Variants in SPMIP2 observed in about 807,000 individuals in gnomAD.
The protein encoded by SPMIP2 is protein SPMIP2.
chr4:158,999,186 A>T, the SPMIP2 span, among the ~76,000 whole-genome samples: 44 of 99,276 alleles, frequency 4.4e-4, no homozygotes, highest in Admixed American at 6.6e-4. Context: ...AAAAAACAAC[A>T]AAAAAAAACC....
chr4:158,955,225 T>C, the SPMIP2 span, among the ~76,000 whole-genome samples: 1 of 152,166 alleles, frequency 6.6e-6, no homozygotes, highest in Non-Finnish European at 1.5e-5. Flanking sequence ...GTGAATCTTG[T>C]GCTGAAATCA....
the SPMIP2 span, among the ~76,000 whole-genome samples, chr4:159,081,224 A>G: frequency 2.0e-5 from 3 of 151,946 alleles, no homozygotes; most frequent in African/African-American, 7.2e-5. Context: ...TTTTTAGTAG[A>G]GACGAGGTTT....
the SPMIP2 span, among the ~76,000 whole-genome samples, chr4:159,005,179 G>A: frequency 2.0e-4 from 25 of 127,722 alleles, no homozygotes; most frequent in East Asian, 1.6e-3. Context: ...CCGAGATCGC[G>A]CCATTGCACT....
At chr4:159,045,614 G>A in the SPMIP2 span, among the ~76,000 whole-genome samples, 14 of 152,360 alleles carry the variant, frequency 9.2e-5, no homozygotes, top group East Asian at 1.9e-4. Context: ...GTGAGAGAAG[G>A]CAGCCTGAAG....
chr4:159,053,915 T>C, the SPMIP2 span, among the ~76,000 whole-genome samples: 88 of 124,268 alleles, frequency 7.1e-4, no homozygotes, highest in Non-Finnish European at 3.0e-4. Context: ...GTGAAACTTG[T>C]CTCAAAAAAA....
At chr4:158,975,252 G>C in the SPMIP2 span, among the ~76,000 whole-genome samples, 1 of 110,908 alleles carries the variant, frequency 9.0e-6, no homozygotes, top group Non-Finnish European at 1.8e-5. Context: ...TAGGTTGCCT[G>C]TTCACTCTGA....
the SPMIP2 span, among the ~76,000 whole-genome samples, chr4:158,998,784 TATG>T: frequency 6.6e-6 from 1 of 152,176 alleles, no homozygotes. Context: ...TGATGGTAAT[TATG>T]ATGTAATCCA....
At chr4:158,931,551 C>T in the SPMIP2 span, among the ~76,000 whole-genome samples, 1 of 151,804 alleles carries the variant, frequency 6.6e-6, no homozygotes, top group African/African-American at 2.4e-5. Flanking sequence ...GCCACCATGC[C>T]CAGCCCAGAA....
the SPMIP2 span, among the ~76,000 whole-genome samples, chr4:158,958,121 C>T: frequency 3.3e-5 from 5 of 152,060 alleles, no homozygotes; most frequent in Non-Finnish European, 7.4e-5. Flanking sequence ...ACCTCAGCCC[C>T]CTCAGTAGCT....
At chr4:159,044,368 CAAAAAA>C in the SPMIP2 span, among the ~76,000 whole-genome samples, 21,882 of 100,142 alleles carry the variant, frequency 0.22, 1,898 homozygotes, top group African/African-American at 0.31. Context: ...GACTCCATCT[CAAAAAA>C]AAAAAAAAAA....
chr4:158,940,901 C>T, the SPMIP2 span, among the ~76,000 whole-genome samples: 1 of 152,202 alleles, frequency 6.6e-6, no homozygotes, highest in Non-Finnish European at 1.5e-5. Flanking sequence ...TTAGACAGGA[C>T]TGCAGTAGTC....
chr4:159,019,451 A>G, the SPMIP2 span, among the ~76,000 whole-genome samples: 753 of 152,198 alleles, frequency 4.9e-3, 4 homozygotes, highest in African/African-American at 0.017. Flanking sequence ...TCTGATTGCA[A>G]GGAAGGAAGT....
the SPMIP2 span, among the ~76,000 whole-genome samples, chr4:159,031,245 T>C: frequency 6.6e-6 from 1 of 152,218 alleles, no homozygotes; most frequent in East Asian, 1.9e-4. Context: ...AAGTTTGATT[T>C]CTGTGAACTG....
the SPMIP2 span, among the ~76,000 whole-genome samples, chr4:158,973,642 C>A: frequency 3.3e-5 from 5 of 152,126 alleles, no homozygotes; most frequent in South Asian, 1.0e-3. Flanking sequence ...CAGGCTGATG[C>A]GAAGGTTGGG....
chr4:158,929,387 A>G, the SPMIP2 span, among the ~76,000 whole-genome samples: 1 of 152,208 alleles, frequency 6.6e-6, no homozygotes, highest in Non-Finnish European at 1.5e-5. Context: ...TTGATTTGGT[A>G]GGATTTATGT....
chr4:158,896,841 GT>G, the SPMIP2 span, among the ~76,000 whole-genome samples: 12 of 144,928 alleles, frequency 8.3e-5, no homozygotes, highest in South Asian at 6.7e-4. Flanking sequence ...TGCCTTATTA[GT>G]TTTTTTTTTA....
the SPMIP2 span, among the ~76,000 whole-genome samples, chr4:159,036,183 T>G: frequency 2.0e-5 from 3 of 152,252 alleles, no homozygotes; most frequent in Non-Finnish European, 4.4e-5. Flanking sequence ...TGTAATATCT[T>G]TTATATTTTG....
the SPMIP2 span, among the ~76,000 whole-genome samples, chr4:159,000,097 C>G: frequency 1.3e-5 from 2 of 152,088 alleles, no homozygotes; most frequent in Non-Finnish European, 2.9e-5. Flanking sequence ...AAGCATACAT[C>G]TGTACATTTT....
At chr4:158,905,834 G>C in the SPMIP2 span, 1 of 152,182 alleles carries the variant, frequency 6.6e-6, no homozygotes, top group African/African-American at 2.4e-5. Flanking sequence ...CAGGAGCTAA[G>C]CTAGCAAAGC....
Sources: allele counts gnomAD v4.1 joint callset (sites outside exome capture counted in the v4.1 genomes callset), GRCh38; gene constraint gnomAD v4.1.1; transcripts MANE v1.5; gene names NCBI Gene and HGNC (gene_info 2026-07-23, HGNC 2026-07-21).